The following RNF144A variants were observed in gnomAD, a reference collection of about 807,000 sequenced individuals.
RNF144A encodes E3 ubiquitin-protein ligase RNF144A.
RNF144A carries 11 observed loss-of-function variants against 38.7 expected under a neutral mutation model. The ratio of observed to expected loss-of-function variants is 0.28; its 90% CI spans 0.18 to 0.47. RNF144A has a LOEUF of 0.47. Ranked by LOEUF, RNF144A falls within the 20% of genes least tolerant of loss-of-function variation. The pLI, the probability that RNF144A is intolerant of heterozygous loss-of-function variation, is 0.99. For missense variants in RNF144A, 316 were observed against 377.2 expected, an observed-to-expected ratio of 0.84 and a Z score of 1.34; for synonymous variants, 149 against 143.9, an observed-to-expected ratio of 1.04 and a Z score of -0.25.
At chr2:7,064,631 T>C (rs1674122181) in intron 6 of RNF144A, among the ~76,000 whole-genome samples, 1 of 152,096 alleles carries the variant, frequency 6.6e-6, no homozygotes. Flanking sequence ...AAATGAACAA[T>C]GAGCACGGAC....
chr2:6,951,111 A>G (rs182784576), intron 2 of RNF144A, among the ~76,000 whole-genome samples: 2 of 152,230 alleles, frequency 1.3e-5, no homozygotes, highest in Admixed American at 1.3e-4. Flanking sequence ...CTTATATTTA[A>G]TAGTTTTAAA....
At chr2:6,966,355 G>T (rs977253384) in intron 2 of RNF144A, among the ~76,000 whole-genome samples, 1 of 152,048 alleles carries the variant, frequency 6.6e-6, no homozygotes, top group Non-Finnish European at 1.5e-5. Context: ...AGAAACACTG[G>T]AATATTTTAA....
chr2:6,993,737 A>G (rs537458855), intron 2 of RNF144A, among the ~76,000 whole-genome samples: 112 of 152,264 alleles, frequency 7.4e-4, no homozygotes, highest in African/African-American at 2.6e-3. Flanking sequence ...AATTTTCTCC[A>G]TTGGATTGAA....
chr2:6,949,503 A>G (rs763884773), intron 2 of RNF144A, among the ~76,000 whole-genome samples: 5 of 152,030 alleles, frequency 3.3e-5, no homozygotes, highest in Non-Finnish European at 7.4e-5. Context: ...TAGGACAGGA[A>G]TTAAAGGACA....
chr2:7,024,569 T>C (rs1459551243), intron 7 of RNF144A, 53 bp downstream of exon 7: 34 of 1,563,542 alleles, frequency 2.2e-5, no homozygotes, highest in Non-Finnish European at 2.8e-5. Context: ...AGGTTTAGAT[T>C]TGGAATGAGA....
chr2:6,990,301 A>G (rs1039641100), intron 2 of RNF144A, among the ~76,000 whole-genome samples: 1 of 151,454 alleles, frequency 6.6e-6, no homozygotes, highest in Non-Finnish European at 1.5e-5. Context: ...TTGTAACTCC[A>G]GTCCTATTGG....
At chr2:7,065,835 G>A (rs1674190151) in intron 6 of RNF144A, among the ~76,000 whole-genome samples, 1 of 152,204 alleles carries the variant, frequency 6.6e-6, no homozygotes, top group South Asian at 2.1e-4. Flanking sequence ...GACTACGAAA[G>A]TTACTTTAAA....
At chr2:7,012,581 C>G (rs1043472548) in intron 3 of RNF144A, among the ~76,000 whole-genome samples, 1 of 152,186 alleles carries the variant, frequency 6.6e-6, no homozygotes, top group African/African-American at 2.4e-5. Flanking sequence ...CTGTTCTGCT[C>G]ATTGTTACAA....
intron 6 of RNF144A, among the ~76,000 whole-genome samples, chr2:7,062,189 A>G (rs1195530141): frequency 6.6e-6 from 1 of 152,144 alleles, no homozygotes; most frequent in African/African-American, 2.4e-5. Context: ...GCAGTTTCTA[A>G]TTAGGTTTGG....
At chr2:7,065,933 A>G (rs1283468648) in intron 6 of RNF144A, among the ~76,000 whole-genome samples, 1 of 152,248 alleles carries the variant, frequency 6.6e-6, no homozygotes, top group African/African-American at 2.4e-5. Flanking sequence ...CGATGGCTTC[A>G]TGAAAGTTCT....
intron 3 of RNF144A, among the ~76,000 whole-genome samples, chr2:7,004,259 G>T (rs1045072595): frequency 6.6e-6 from 1 of 152,244 alleles, no homozygotes; most frequent in Non-Finnish European, 1.5e-5. Flanking sequence ...TAGCAAAATG[G>T]TGGTGGCTGC....
intron 2 of RNF144A, among the ~76,000 whole-genome samples, chr2:6,946,763 T>A (rs990303509): frequency 1.3e-5 from 2 of 152,148 alleles, no homozygotes; most frequent in African/African-American, 4.8e-5. Flanking sequence ...TTGAGTATAT[T>A]GACTTAAACA....
intron 2 of RNF144A, among the ~76,000 whole-genome samples, chr2:6,965,640 CG>C: frequency 6.6e-6 from 1 of 152,176 alleles, no homozygotes; most frequent in East Asian, 1.9e-4. Context: ...CTTCGGGAAA[CG>C]GGACAGGATT....
rs201084113 is a variant in RNF144A, at chr2:7,025,881, G to T, written c.657+1365G>T. On this transcript the variant is annotated intron_variant, in intron 7 of 8. Transcript: ENST00000320892. The stretch of plus-strand genomic sequence containing the variant: ...TTCAGGTCTCATTCAAATAAAGCGG[G>T]GGGTGGGGCAGGGCGGACAGTCAGA... Among the ~76,000 whole-genome samples, 30 of 152,234 alleles carry T rather than the reference G, an allele frequency of 2.0e-4. No individual in the cohort carries two copies. In the East Asian group the frequency reaches 4.8e-3, roughly 25 times the overall value.
chr2:7,009,374 G>A (rs1475550776), intron 3 of RNF144A, among the ~76,000 whole-genome samples: 1 of 152,148 alleles, frequency 6.6e-6, no homozygotes, highest in Non-Finnish European at 1.5e-5. Context: ...GCAGCACGCC[G>A]ATCATGACCT....
At chr2:7,002,778 A>ACT (rs1193381965) in intron 3 of RNF144A, among the ~76,000 whole-genome samples, 1 of 152,180 alleles carries the variant, frequency 6.6e-6, no homozygotes, top group African/African-American at 2.4e-5. Context: ...AAAAAATAAG[A>ACT]GAGGTGTGGA....
In RNF144A at chr2:7,041,829, CAG is replaced by C; in HGVS notation, c.*2072_*2073del. The C allele has an allele frequency of 1.0e-6, 1 of 985,462 alleles. No individual in the cohort carries two copies. The highest frequency in any genetic ancestry group is 1.2e-6 in the Non-Finnish European group (1 of 829,958). The allele number at this position is 985,462 out of a possible 1,614,324, so 61.0% of individuals were successfully genotyped here. ...GCACCCCCGTCCTTAGGATGAGAGT[CAG>C]AGCCTTTGGAAAGGCTGCATCCCCA... On this transcript the variant is annotated 3_prime_UTR_variant, in exon 9 of 9. Coordinates refer to ENST00000320892, the MANE Select transcript of RNF144A (RefSeq NM_014746.6).
chr2:6,992,028 A>G (rs1669419469), intron 2 of RNF144A, among the ~76,000 whole-genome samples: 1 of 152,204 alleles, frequency 6.6e-6, no homozygotes, highest in African/African-American at 2.4e-5. Flanking sequence ...ACTTACCCAG[A>G]AGAAATGGGA....
chr2:7,010,273 A>G (rs1211134143), intron 3 of RNF144A, among the ~76,000 whole-genome samples: 1 of 152,192 alleles, frequency 6.6e-6, no homozygotes, highest in Non-Finnish European at 1.5e-5. Context: ...CTAGAGCCAC[A>G]TGTCTGCTAA....
Sources: allele counts gnomAD v4.1 joint callset (sites outside exome capture counted in the v4.1 genomes callset), GRCh38; gene constraint gnomAD v4.1.1; transcripts MANE v1.5; gene names NCBI Gene and HGNC (gene_info 2026-07-23, HGNC 2026-07-21).